Variants in CPED1 observed in about 807,000 individuals in gnomAD.
The protein encoded by CPED1 is cadherin-like and PC-esterase domain-containing protein 1.
CPED1 carries 114 observed loss-of-function variants against 128.2 expected under a neutral mutation model. The observed-to-expected ratio is 0.89, with a 90% CI of 0.76 to 1.04. CPED1 has a LOEUF of 1.04. CPED1 is among the 50% of genes least tolerant of loss of function. The pLI is 0.00. For missense variants in CPED1, 1,211 were observed against 1,207.1 expected, an observed-to-expected ratio of 1.00 and a Z score of -0.05; for synonymous variants, 462 against 426.7, an observed-to-expected ratio of 1.08 and a Z score of -1.02.
chr7:121,181,959 C>T (rs966498403), intron 16 of CPED1, among the ~76,000 whole-genome samples: 1 of 151,994 alleles, frequency 6.6e-6, no homozygotes, highest in Non-Finnish European at 1.5e-5. Flanking sequence ...GAAACTAGTA[C>T]CTGGAAATTT....
chr7:121,281,667 A>C (rs934647204), intron 22 of CPED1, among the ~76,000 whole-genome samples: 1 of 152,236 alleles, frequency 6.6e-6, no homozygotes, highest in Non-Finnish European at 1.5e-5. Flanking sequence ...ATAAGATCTT[A>C]TACTTATAAA....
At chr7:121,118,177 G>A (rs1027667195) in intron 7 of CPED1, among the ~76,000 whole-genome samples, 8 of 152,178 alleles carry the variant, frequency 5.3e-5, no homozygotes, top group South Asian at 2.1e-4. Flanking sequence ...AATTTTCTTC[G>A]TTCTTATATT....
At chr7:121,028,883 G>A (rs966569123) in intron 3 of CPED1, among the ~76,000 whole-genome samples, 1 of 152,140 alleles carries the variant, frequency 6.6e-6, no homozygotes, top group African/African-American at 2.4e-5. Flanking sequence ...GATAATTAAT[G>A]TTGGATGTTT....
intron 16 of CPED1, among the ~76,000 whole-genome samples, chr7:121,211,655 G>A (rs1797644835): frequency 7.1e-6 from 1 of 141,578 alleles, no homozygotes; most frequent in African/African-American, 2.6e-5. Context: ...TGCTGAGCAT[G>A]TGACAGAGGA....
intron 17 of CPED1, among the ~76,000 whole-genome samples, chr7:121,238,445 C>T (rs1181952540): frequency 6.6e-6 from 1 of 152,112 alleles, no homozygotes; most frequent in African/African-American, 2.4e-5. Context: ...CCATCTTTGC[C>T]CAGCTTCTGA....
intron 2 of CPED1, among the ~76,000 whole-genome samples, chr7:121,009,813 G>T (rs1037107839): frequency 6.6e-6 from 1 of 152,102 alleles, no homozygotes; most frequent in Non-Finnish European, 1.5e-5. Context: ...ACGAAGTGGA[G>T]GAGAGTCACT....
In CPED1 at chr7:121,172,092, G is replaced by A. The variant is rs1796660183; in HGVS notation, c.2055+29951G>A. On this transcript the variant is annotated intron_variant, in intron 16 of 22. Coordinates refer to ENST00000310396, the MANE Select transcript of CPED1 (RefSeq NM_024913.5). ...CAGGAAAGGTAAAACAACTTGTGAA[G>A]GTCAAACAGCTTGTGGTCACTCACA... Among the ~76,000 whole-genome samples the A allele has an allele frequency of 2.0e-5, 3 of 152,268 alleles. No individual in the cohort carries two copies. In the South Asian group the frequency reaches 6.2e-4, roughly 32 times the overall value.
rs556474880 is a variant in CPED1 at position 121,074,612 on chromosome 7, G to A, written c.616+10299G>A. On this transcript the variant is annotated intron_variant, in intron 5 of 22. Coordinates refer to ENST00000310396, the MANE Select transcript of CPED1 (RefSeq NM_024913.5). Reference sequence around the variant, plus strand: ...TTTTCTTAATGGTGTCTGGGAACTCGTCTGCTGCCTCTTAGTTGGCAGAAA... The same window carrying A: ...TTTTCTTAATGGTGTCTGGGAACTCATCTGCTGCCTCTTAGTTGGCAGAAA... Among the ~76,000 whole-genome samples, 6 of 142,938 alleles carry A rather than the reference G, an allele frequency of 4.2e-5. No individual in the cohort carries two copies. In the South Asian group the frequency reaches 6.8e-4, roughly 16 times the overall value. 93.8% of individuals were successfully genotyped at this position (142,938 alleles called of 152,430 possible).
intron 5 of CPED1, among the ~76,000 whole-genome samples, chr7:121,081,666 T>C (rs1794298270): frequency 6.6e-6 from 1 of 152,254 alleles, no homozygotes; most frequent in Non-Finnish European, 1.5e-5. Context: ...CAAAAGGAGG[T>C]ACTCTGATTT....
At chr7:121,098,860 G>T (rs1224430102) in intron 6 of CPED1, among the ~76,000 whole-genome samples, 4 of 145,158 alleles carry the variant, frequency 2.8e-5, no homozygotes, top group African/African-American at 5.0e-5. Flanking sequence ...TAAAAGCACA[G>T]TCCTTTCATT....
intron 2 of CPED1, among the ~76,000 whole-genome samples, chr7:121,015,002 C>A (rs1792262610): frequency 6.6e-6 from 1 of 152,164 alleles, no homozygotes; most frequent in Non-Finnish European, 1.5e-5. Context: ...ATTAGAATTT[C>A]AATTTCCATT....
chr7:121,097,898 C>T (rs1210935660), intron 6 of CPED1, 67 bp downstream of exon 6: 1 of 1,545,230 alleles, frequency 6.5e-7, no homozygotes, highest in Non-Finnish European at 8.9e-7. Flanking sequence ...AAGAGAAAAG[C>T]ACAGAACAGA....
intron 2 of CPED1, among the ~76,000 whole-genome samples, chr7:121,006,298 T>C (rs1234065301): frequency 6.6e-6 from 1 of 152,062 alleles, no homozygotes; most frequent in East Asian, 1.9e-4. Flanking sequence ...CAATTCTCTA[T>C]TTTCTTCATT....
chr7:121,219,600 C>A (rs1252079795), intron 16 of CPED1, among the ~76,000 whole-genome samples: 2 of 151,924 alleles, frequency 1.3e-5, no homozygotes, highest in Non-Finnish European at 2.9e-5. Flanking sequence ...ACTTAAAATT[C>A]TTTCACAGTA....
intron 16 of CPED1, among the ~76,000 whole-genome samples, chr7:121,147,040 A>G (rs1796038946): frequency 6.6e-6 from 1 of 152,118 alleles, no homozygotes; most frequent in Non-Finnish European, 1.5e-5. Flanking sequence ...GTGTCAACCA[A>G]AACTGTCTTC....
intron 16 of CPED1, among the ~76,000 whole-genome samples, chr7:121,188,446 A>T (rs1797055061): frequency 6.6e-6 from 1 of 152,160 alleles, no homozygotes; most frequent in South Asian, 2.1e-4. Context: ...TTATTTTAAA[A>T]TGTACAATTC....
At chr7:121,071,721 T>C (rs1793995544) in intron 5 of CPED1, among the ~76,000 whole-genome samples, 1 of 152,044 alleles carries the variant, frequency 6.6e-6, no homozygotes, top group Non-Finnish European at 1.5e-5. Flanking sequence ...CTTGGGTTAA[T>C]TTCTTCCTCT....
rs184118300 is a variant in CPED1 at position 121,253,284 on chromosome 7, G to A, written c.2310+8946G>A. 7.3e-5 allele frequency among the ~76,000 whole-genome samples: 10 copies of A among 137,374 alleles called. No individual in the cohort carries two copies. In the East Asian group the frequency reaches 2.2e-3, roughly 30 times the overall value. 90.1% of individuals were successfully genotyped at this position (137,374 alleles called of 152,430 possible). The stretch of plus-strand genomic sequence containing the variant: ...CCATGAGAACATATGGACACAGGAA[G>A]GGGAACATCACACACCGAGGACGGT... On this transcript the variant is annotated intron_variant, in intron 18 of 22. Coordinates refer to ENST00000310396, the MANE Select transcript of CPED1 (RefSeq NM_024913.5).
intron 2 of CPED1, among the ~76,000 whole-genome samples, chr7:120,995,231 A>G (rs535434019): frequency 1.2e-4 from 18 of 152,136 alleles, no homozygotes; most frequent in Non-Finnish European, 2.4e-4. Flanking sequence ...ATTTCTATTG[A>G]AACCTCTCTT....
Sources: gnomAD v4.1 joint callset for allele counts (sites outside exome capture counted in the v4.1 genomes callset) on GRCh38, gnomAD v4.1.1 for gene constraint, MANE v1.5 for transcripts, NCBI Gene and HGNC (gene_info 2026-07-23, HGNC 2026-07-21) for gene names.